IYD: variants seen among roughly 807,000 people sequenced by gnomAD.
IYD encodes iodotyrosine deiodinase 1.
In IYD, 25 loss-of-function variants were observed where a neutral mutation model predicts 28.4. The ratio of observed to expected loss-of-function variants is 0.88; its 90% CI spans 0.64 to 1.23. The LOEUF is 1.23. IYD is among the 50% of genes most tolerant of loss of function. IYD has a pLI of 0.00. For synonymous variants in IYD, 140 were observed against 130.8 expected (o/e 1.07, Z -0.48); for missense variants, 352 against 357.9 (o/e 0.98, Z 0.13).
intron 4 of IYD, chr6:150,395,726 C>A (rs1205271811): frequency 2.8e-6 from 2 of 715,628 alleles, no homozygotes; most frequent in African/African-American, 1.7e-5. Context: ...GTCTGATAAG[C>A]GCGCCATGCA....
intron 2 of IYD, among the ~76,000 whole-genome samples, chr6:150,392,000 C>T (rs1489008721): frequency 1.3e-5 from 2 of 152,056 alleles, no homozygotes; most frequent in African/African-American, 4.8e-5. Flanking sequence ...TAGGCCACTG[C>T]CCCTGGCCAA....
chr6:150,396,420 A>C, intron 4 of IYD: 1 of 670,110 alleles, frequency 1.5e-6, no homozygotes. Flanking sequence ...TCAACTTAAC[A>C]TTAATAATAT....
chr6:150,395,476 C>A (rs73617694), intron 4 of IYD: 10 of 1,536,892 alleles, frequency 6.5e-6, no homozygotes, highest in South Asian at 4.8e-5. Context: ...AATCACCATG[C>A]GGCATCAGAC....
chr6:150,372,342 G>A (rs1777281089), intron 1 of IYD, among the ~76,000 whole-genome samples: 1 of 132,882 alleles, frequency 7.5e-6, no homozygotes, highest in African/African-American at 2.8e-5. Flanking sequence ...GGTGGTGAGG[G>A]AACATTGTGT....
Position 150,369,211 on chromosome 6 carries a change from T to G in IYD, c.178+2T>G, listed in dbSNP as rs1205158525. ...GTGACCTGCACCAAGCAGAAGAAGGTAAAGACACCAGCTATGCTGCTTAGC... is the reference window on the plus strand; with the variant it reads ...GTGACCTGCACCAAGCAGAAGAAGGGAAAGACACCAGCTATGCTGCTTAGC... On this transcript the variant is annotated splice_donor_variant, in intron 1 of 4. Transcript: ENST00000344419. LOFTEE classifies it high-confidence loss of function. 1.9e-6 allele frequency: 3 copies of G among 1,611,556 alleles called. No individual in the cohort carries two copies. Among genetic ancestry groups the G allele is most frequent in the Non-Finnish European group, 2.5e-6 (3 of 1,179,824 alleles).
intron 2 of IYD, among the ~76,000 whole-genome samples, chr6:150,392,047 GT>G (rs1380339690): frequency 6.6e-6 from 1 of 151,192 alleles, no homozygotes; most frequent in South Asian, 2.1e-4. Context: ...AAAAAAAAAA[GT>G]TTTTTTAAGA....
Position 150,374,709 on chromosome 6 carries a change from C to T in IYD, c.178+5500C>T, listed in dbSNP as rs533294190. On this transcript the variant is annotated intron_variant, in intron 1 of 4. Transcript: ENST00000344419. ...CATGGGAATTATGGGAGCTACAATT[C>T]AAGATGAGATTTGGGTAGCGACACA... is the stretch of plus-strand genomic sequence containing the variant. Among the ~76,000 whole-genome samples the T allele has an allele frequency of 2.3e-3, 355 of 152,274 alleles. 1 individual carries two copies. Among genetic ancestry groups the T allele is most frequent in the African/African-American group, 7.9e-3 (328 of 41,552 alleles).
intron 1 of IYD, among the ~76,000 whole-genome samples, chr6:150,388,783 C>A (rs1304396954): frequency 6.7e-6 from 1 of 148,970 alleles, no homozygotes; most frequent in East Asian, 2.0e-4. Context: ...CTCACTGCAA[C>A]TTCTGCCTCC....
chr6:150,385,811 TAGTC>T (rs951594917), intron 1 of IYD, among the ~76,000 whole-genome samples: 2 of 152,044 alleles, frequency 1.3e-5, no homozygotes, highest in Non-Finnish European at 2.9e-5. Context: ...GCTTATTTAA[TAGTC>T]AGCAGACTTT....
rs368637142 is a variant in IYD at position 150,389,486 on chromosome 6, T to C, written c.313T>C (p.Phe105Leu). ...ELLNKRRSVRFISNEQVPMEV... is the reference protein window; with the variant it reads ...ELLNKRRSVRLISNEQVPMEV... ...TCTCAATAAGAGACGGTCAGTCAGG[T>C]TCATAAGTAATGAGCAAGTCCCAAT... is the stretch of plus-strand genomic sequence containing the variant. The change falls in exon 2 of 5, where the codon TTC becomes CTC. Residue 105 changes from phenylalanine to leucine, a missense_variant. Physicochemically the swap from Phe to Leu is conservative, Grantham distance 22. Transcript: ENST00000344419. 3.7e-6 allele frequency: 6 copies of C among 1,614,098 alleles called. No homozygotes were observed. Among genetic ancestry groups the C allele is most frequent in the Non-Finnish European group, 5.1e-6 (6 of 1,179,992 alleles).
At chr6:150,380,313 C>A (rs1404824941) in intron 1 of IYD, among the ~76,000 whole-genome samples, 1 of 152,030 alleles carries the variant, frequency 6.6e-6, no homozygotes, top group Non-Finnish European at 1.5e-5. Flanking sequence ...CCTAAAACAC[C>A]ACAACTACCA....
intron 1 of IYD, among the ~76,000 whole-genome samples, chr6:150,374,678 A>G (rs938329572): frequency 4.6e-5 from 7 of 152,218 alleles, no homozygotes; most frequent in Non-Finnish European, 1.0e-4. Context: ...GGTCCCTCCC[A>G]CAACACATGG....
At position 150,392,226 on chromosome 6, in the gene IYD, T is replaced by C. The variant is rs996033792; in HGVS notation, c.371-119T>C. Reference sequence around the variant, plus strand: ...AAAAAAAAAATCTGCAAAATTTTGTTTGATCCTCCAGCTCCAGCCTCCCAA... The same window carrying C: ...AAAAAAAAAATCTGCAAAATTTTGTCTGATCCTCCAGCTCCAGCCTCCCAA... On this transcript the variant is annotated intron_variant, in intron 2 of 4. Coordinates refer to ENST00000344419, the MANE Select transcript of IYD (RefSeq NM_203395.3). The C allele has an allele frequency of 1.9e-6, 3 of 1,542,158 alleles. 1 individual carries two copies. In the Admixed American group the frequency reaches 5.5e-5, roughly 28 times the overall value.
chr6:150,382,156 G>A (rs986553358), intron 1 of IYD, among the ~76,000 whole-genome samples: 29 of 152,098 alleles, frequency 1.9e-4, no homozygotes, highest in Non-Finnish European at 3.2e-4. Flanking sequence ...TCCCAGGATG[G>A]CCCACATCTA....
At chr6:150,394,383 T>C in intron 4 of IYD, 128 bp downstream of exon 4, 1 of 969,814 alleles carries the variant, frequency 1.0e-6, no homozygotes. Flanking sequence ...AACTCTGATG[T>C]GAAAACTGAC....
intron 1 of IYD, among the ~76,000 whole-genome samples, chr6:150,371,461 G>T (rs1777238701): frequency 6.6e-6 from 1 of 152,110 alleles, no homozygotes; most frequent in Non-Finnish European, 1.5e-5. Flanking sequence ...GAAAGAGTGT[G>T]CATCAAGGAA....
At chr6:150,371,715 T>A (rs939733465) in intron 1 of IYD, among the ~76,000 whole-genome samples, 4 of 152,332 alleles carry the variant, frequency 2.6e-5, no homozygotes, top group East Asian at 1.9e-4. Flanking sequence ...ACAGCCTTAG[T>A]GTCGTCCTTA....
At position 150,401,481 on chromosome 6, in the gene IYD, CA is replaced by C. The variant is rs2115072511; in HGVS notation, c.*3245del. ...AGGGTCTTCTAGGGACCAGAAACACCAGACACTTCTTCTGCCCCAAGCACAC... is the reference window on the plus strand; with the variant it reads ...AGGGTCTTCTAGGGACCAGAAACACCGACACTTCTTCTGCCCCAAGCACAC... On this transcript the variant is annotated 3_prime_UTR_variant, in exon 5 of 5. Transcript: ENST00000344419. 2 of 152,318 alleles carry C rather than the reference CA, an allele frequency of 1.3e-5. No homozygotes were observed. The highest frequency in any genetic ancestry group is 4.2e-4 in the South Asian group (2 of 4,812). The allele number at this position is 152,318 out of a possible 1,614,324, so 9.4% of individuals were successfully genotyped here.
At chr6:150,395,517 T>G in intron 4 of IYD, 1 of 1,537,340 alleles carries the variant, frequency 6.5e-7, no homozygotes, top group East Asian at 2.4e-5. Flanking sequence ...TTGAGGGTCC[T>G]GGAAGAAGCA....
Sources: allele counts gnomAD v4.1 joint callset (sites outside exome capture counted in the v4.1 genomes callset), GRCh38; gene constraint gnomAD v4.1.1; transcripts MANE v1.5; gene names NCBI Gene and HGNC (gene_info 2026-07-23, HGNC 2026-07-21).